EXOC4: variants seen among roughly 807,000 people sequenced by gnomAD.
The protein encoded by EXOC4 is exocyst complex component 4, also known as SEC8-like 1.
A neutral mutation model predicts 107.2 loss-of-function variants in EXOC4; 71 were observed. That is an observed-to-expected ratio of 0.66 (90% CI 0.55 to 0.81). The LOEUF is 0.81. Among genes scored for constraint, EXOC4 ranks in the 30% least tolerant of loss-of-function variants. The probability of loss-of-function intolerance (pLI) is 0.00; values close to 1 mark genes in which losing one functional copy is unlikely to be tolerated. For missense variants in EXOC4, 1,108 were observed against 1,189.6 expected (o/e 0.93, Z 1.01); for synonymous variants, 456 against 441.2 (o/e 1.03, Z -0.42).
chr7:133,337,582 T>A (rs1795546890), intron 5 of EXOC4, among the ~76,000 whole-genome samples: 1 of 151,770 alleles, frequency 6.6e-6, no homozygotes, highest in South Asian at 2.1e-4. Flanking sequence ...GGCTTTAAAA[T>A]TTTTCTTGTA....
chr7:133,687,866 T>C (rs1390478812), intron 10 of EXOC4, among the ~76,000 whole-genome samples: 1 of 152,102 alleles, frequency 6.6e-6, no homozygotes, highest in Non-Finnish European at 1.5e-5. Flanking sequence ...TACCATGAAA[T>C]GTGACTTGGA....
intron 9 of EXOC4, among the ~76,000 whole-genome samples, chr7:133,625,738 C>T (rs1010441039): frequency 1.3e-5 from 2 of 152,176 alleles, no homozygotes; most frequent in African/African-American, 2.4e-5. Context: ...AATCATCGTC[C>T]TTGTAATACT....
intron 7 of EXOC4, among the ~76,000 whole-genome samples, chr7:133,435,482 A>G (rs1797949802): frequency 6.6e-6 from 1 of 152,216 alleles, no homozygotes; most frequent in Admixed American, 6.5e-5. Context: ...TGTGTAGAAT[A>G]AGCGACCAGA....
chr7:133,592,845 C>T (rs1801582183), intron 9 of EXOC4, among the ~76,000 whole-genome samples: 1 of 152,166 alleles, frequency 6.6e-6, no homozygotes, highest in Admixed American at 6.5e-5. Context: ...TCATGATCCA[C>T]CCGCTTTGGC....
chr7:133,914,136 A>T (rs1799754134), intron 12 of EXOC4, among the ~76,000 whole-genome samples: 1 of 152,252 alleles, frequency 6.6e-6, no homozygotes. Context: ...ATTTCCTGTC[A>T]GAAGTTTGGT....
chr7:134,043,496 T>G (rs1177903911), intron 17 of EXOC4, among the ~76,000 whole-genome samples: 1 of 152,214 alleles, frequency 6.6e-6, no homozygotes. Context: ...GAAATATTTC[T>G]CTTTGAAAAC....
At chr7:133,646,118 G>T (rs1425332616) in intron 10 of EXOC4, among the ~76,000 whole-genome samples, 2 of 152,112 alleles carry the variant, frequency 1.3e-5, no homozygotes, top group Non-Finnish European at 2.9e-5. Context: ...GTCAGAAAAG[G>T]TGCTACAACA....
At chr7:134,061,497 T>G (rs1302047988) in intron 17 of EXOC4, among the ~76,000 whole-genome samples, 1 of 152,110 alleles carries the variant, frequency 6.6e-6, no homozygotes, top group Non-Finnish European at 1.5e-5. Flanking sequence ...AATCTGCACT[T>G]TTCATAGGCG....
chr7:133,796,750 C>T (rs991910007), intron 10 of EXOC4, among the ~76,000 whole-genome samples: 15 of 152,232 alleles, frequency 9.9e-5, no homozygotes, highest in African/African-American at 3.6e-4. Flanking sequence ...GAGCAAGACT[C>T]CATTTCAAAA....
intron 7 of EXOC4, among the ~76,000 whole-genome samples, chr7:133,431,051 A>C (rs1367867788): frequency 2.0e-5 from 3 of 152,206 alleles, no homozygotes; most frequent in African/African-American, 7.2e-5. Flanking sequence ...TAATGAGAAA[A>C]GTGATGCCCA....
At chr7:133,490,594 T>C (rs1305915553) in intron 9 of EXOC4, among the ~76,000 whole-genome samples, 1 of 152,214 alleles carries the variant, frequency 6.6e-6, no homozygotes. Flanking sequence ...GATATTTTTC[T>C]ACTAATTAAG....
At chr7:133,323,842 G>T (rs911751094) in intron 5 of EXOC4, among the ~76,000 whole-genome samples, 2 of 152,094 alleles carry the variant, frequency 1.3e-5, no homozygotes, top group Non-Finnish European at 2.9e-5. Context: ...TCTGATCCTG[G>T]ACTTTTTTTT....
intron 10 of EXOC4, among the ~76,000 whole-genome samples, chr7:133,787,999 A>AAT (rs1796623845): frequency 9.9e-6 from 1 of 101,174 alleles, no homozygotes; most frequent in Non-Finnish European, 2.0e-5. Context: ...ATATATATAT[A>AAT]TATATATATA....
intron 4 of EXOC4, among the ~76,000 whole-genome samples, chr7:133,308,741 GA>G (rs1794807662): frequency 6.6e-6 from 1 of 152,186 alleles, no homozygotes; most frequent in Admixed American, 6.5e-5. Flanking sequence ...ATATAATCTG[GA>G]AATTTTTATG....
intron 11 of EXOC4, among the ~76,000 whole-genome samples, chr7:133,865,265 G>A (rs1244037029): frequency 1.3e-5 from 2 of 151,880 alleles, no homozygotes; most frequent in African/African-American, 4.8e-5. Flanking sequence ...GAAATTCATT[G>A]GCAGTGCATT....
At chr7:133,322,959 T>G (rs1027158549) in intron 5 of EXOC4, among the ~76,000 whole-genome samples, 3 of 152,182 alleles carry the variant, frequency 2.0e-5, no homozygotes, top group African/African-American at 7.2e-5. Context: ...CCCTAAGTAT[T>G]TTATTCTCTT....
At chr7:133,728,274 A>G (rs1035337898) in intron 10 of EXOC4, among the ~76,000 whole-genome samples, 1 of 152,252 alleles carries the variant, frequency 6.6e-6, no homozygotes, top group Non-Finnish European at 1.5e-5. Context: ...TAAGAAGCAT[A>G]GTTGCTGTTT....
intron 10 of EXOC4, among the ~76,000 whole-genome samples, chr7:133,675,463 T>A (rs183242136): frequency 3.4e-4 from 52 of 152,338 alleles, no homozygotes; most frequent in Middle Eastern, 3.4e-3. Flanking sequence ...TTGTAGATAT[T>A]TGTTCCTTTA....
At chr7:133,900,156 G>T (rs1799420567) in intron 12 of EXOC4, among the ~76,000 whole-genome samples, 1 of 152,038 alleles carries the variant, frequency 6.6e-6, no homozygotes, top group South Asian at 2.1e-4. Flanking sequence ...ATGCTGTGAG[G>T]GTGTGTGGGG....
Sources: allele counts gnomAD v4.1 joint callset (sites outside exome capture counted in the v4.1 genomes callset), GRCh38; gene constraint gnomAD v4.1.1; transcripts MANE v1.5; gene names NCBI Gene and HGNC (gene_info 2026-07-23, HGNC 2026-07-21).